Variants in EYS observed in about 807,000 individuals in gnomAD.
The protein encoded by EYS is protein eyes shut homolog.
A neutral mutation model predicts 282.1 loss-of-function variants in EYS; 250 were observed. That is an observed-to-expected ratio of 0.89 (90% confidence interval 0.80 to 0.98). EYS has a LOEUF of 0.98. EYS is among the 50% of genes least tolerant of loss of function. The pLI is 0.00. For synonymous variants in EYS, 1,355 were observed against 1,282.9 expected (o/e 1.06, Z -1.20); for missense variants, 4,016 against 3,709.0 (o/e 1.08, Z -2.15).
intron 29 of EYS, among the ~76,000 whole-genome samples, chr6:64,346,060 T>C (rs1183784678): frequency 6.6e-6 from 1 of 151,990 alleles, no homozygotes; most frequent in Non-Finnish European, 1.5e-5. Context: ...CAACAGGTGC[T>C]GGAGAGGATG....
intron 2 of EYS, among the ~76,000 whole-genome samples, chr6:65,613,980 G>T (rs116677061): frequency 6.6e-6 from 1 of 151,686 alleles, no homozygotes; most frequent in Non-Finnish European, 1.5e-5. Flanking sequence ...TTAAACAACT[G>T]AAAAAGAAGC....
chr6:64,473,889 A>C (rs1364645134), intron 26 of EYS, among the ~76,000 whole-genome samples: 1 of 152,214 alleles, frequency 6.6e-6, no homozygotes, highest in Non-Finnish European at 1.5e-5. Flanking sequence ...TGGAAAAATA[A>C]GACTAAACCA....
chr6:65,495,437 A>T lies in EYS; in HGVS notation c.-27T>A, dbSNP rs769133109. On this transcript the variant is annotated 5_prime_UTR_variant, in exon 4 of 43. Transcript: ENST00000503581. Reference sequence around the variant, plus strand: ...TTCGGGTAGCTGTATTTTACAGTTTATCATAAAGAATTGCTGCAAAATGGT... The same window carrying T: ...TTCGGGTAGCTGTATTTTACAGTTTTTCATAAAGAATTGCTGCAAAATGGT... The T allele has an allele frequency of 1.2e-6, 2 of 1,602,760 alleles. No homozygotes were observed. Among genetic ancestry groups the T allele is most frequent in the South Asian group, 1.1e-5 (1 of 91,042 alleles).
chr6:65,488,395 A>G (rs937675416), intron 5 of EYS, among the ~76,000 whole-genome samples: 1 of 152,158 alleles, frequency 6.6e-6, no homozygotes, highest in Non-Finnish European at 1.5e-5. Context: ...ATTGGTTTCA[A>G]AAAACATCTT....
intron 22 of EYS, among the ~76,000 whole-genome samples, chr6:64,661,977 C>T (rs1490727536): frequency 6.6e-6 from 1 of 151,628 alleles, no homozygotes; most frequent in Non-Finnish European, 1.5e-5. Context: ...AGACTTGGAA[C>T]CAACCCAAAT....
intron 13 of EYS, among the ~76,000 whole-genome samples, chr6:65,038,493 T>A (rs769371480): frequency 6.6e-6 from 1 of 151,482 alleles, no homozygotes; most frequent in African/African-American, 2.4e-5. Context: ...TGACAGATAT[T>A]TTTTTGTTTC....
chr6:65,646,089 C>T (rs987160888), intron 1 of EYS, among the ~76,000 whole-genome samples: 3 of 152,024 alleles, frequency 2.0e-5, no homozygotes, highest in South Asian at 2.1e-4. Flanking sequence ...AGCTGAATTC[C>T]TTCAGACATT....
chr6:65,561,911 T>G (rs970051396), intron 2 of EYS, among the ~76,000 whole-genome samples: 7 of 151,658 alleles, frequency 4.6e-5, no homozygotes, highest in Non-Finnish European at 1.0e-4. Flanking sequence ...AGAAAGTAAT[T>G]TTCTAAATTA....
At chr6:64,195,037 C>T (rs934001610) in intron 31 of EYS, among the ~76,000 whole-genome samples, 7 of 151,998 alleles carry the variant, frequency 4.6e-5, no homozygotes, top group Non-Finnish European at 1.0e-4. Flanking sequence ...TTTAATTCTA[C>T]ATTTTACTTC....
chr6:63,940,116 A>T (rs892117595), intron 35 of EYS, among the ~76,000 whole-genome samples: 22 of 152,194 alleles, frequency 1.4e-4, no homozygotes, highest in African/African-American at 5.3e-4. Flanking sequence ...CATATTTCTC[A>T]TCTTGTTTAG....
chr6:64,925,071 G>A (rs1463665705), intron 15 of EYS, among the ~76,000 whole-genome samples: 2 of 152,140 alleles, frequency 1.3e-5, no homozygotes, highest in Admixed American at 1.3e-4. Flanking sequence ...CCGAGACTGG[G>A]AAGAAAAAGA....
rs553216752 is a variant in EYS at position 63,877,469 on chromosome 6, G to T, written c.7056-13111C>A. On this transcript the variant is annotated intron_variant, in intron 35 of 42. Coordinates refer to ENST00000503581, the MANE Select transcript of EYS (RefSeq NM_001142800.2). ...GTGTCTTGGAGTTGCACTTCTCAAG[G>T]AGTTTCTTTGTGGCGTTCTCTGTAT... is the stretch of plus-strand genomic sequence containing the variant. Among the ~76,000 whole-genome samples the T allele has an allele frequency of 2.0e-5, 3 of 152,196 alleles. No homozygotes were observed. In the South Asian group the frequency reaches 6.2e-4, roughly 32 times the overall value.
intron 24 of EYS, among the ~76,000 whole-genome samples, chr6:64,607,244 C>A (rs1395363818): frequency 1.3e-5 from 2 of 151,184 alleles, no homozygotes; most frequent in Non-Finnish European, 2.9e-5. Flanking sequence ...TGCACAGTTC[C>A]ATTTGTTATC....
intron 26 of EYS, among the ~76,000 whole-genome samples, chr6:64,498,120 G>A (rs1397190820): frequency 1.3e-5 from 2 of 152,072 alleles, no homozygotes; most frequent in Non-Finnish European, 2.9e-5. Flanking sequence ...TGTTCTCTAA[G>A]AGCATCAATC....
chr6:64,699,360 G>A (rs1770703480), intron 22 of EYS, among the ~76,000 whole-genome samples: 1 of 152,048 alleles, frequency 6.6e-6, no homozygotes, highest in Admixed American at 6.6e-5. Context: ...GAGCAGAAAA[G>A]ATAACTATTG....
At chr6:64,990,760 A>T (rs935347033) in intron 14 of EYS, among the ~76,000 whole-genome samples, 1 of 151,604 alleles carries the variant, frequency 6.6e-6, no homozygotes, top group African/African-American at 2.4e-5. Context: ...TCTGTAATGA[A>T]TCTTGGAATA....
chr6:64,882,283 AG>A (rs1321153962), intron 19 of EYS, among the ~76,000 whole-genome samples: 1 of 151,824 alleles, frequency 6.6e-6, no homozygotes, highest in Non-Finnish European at 1.5e-5. Flanking sequence ...GTCTTGAAAA[AG>A]TCACACATCG....
At position 65,392,758 on chromosome 6, in the gene EYS, G is replaced by C. The variant is rs563257597; in HGVS notation, c.1185-8258C>G. On this transcript the variant is annotated intron_variant, in intron 7 of 42. Coordinates refer to ENST00000503581, the MANE Select transcript of EYS (RefSeq NM_001142800.2). The stretch of plus-strand genomic sequence containing the variant: ...ACTAGTTCAACCATTGTGGAAGTCA[G>C]TGTGGCGATTCCTCAGGGATCTGGA... 1.3e-3 allele frequency among the ~76,000 whole-genome samples: 199 copies of C among 151,566 alleles called. 2 individuals carry two copies. Among genetic ancestry groups the C allele is most frequent in the African/African-American group, 4.6e-3 (191 of 41,502 alleles).
At chr6:65,389,319 C>T (rs1765919053) in intron 7 of EYS, among the ~76,000 whole-genome samples, 1 of 152,142 alleles carries the variant, frequency 6.6e-6, no homozygotes, top group Admixed American at 6.6e-5. Flanking sequence ...TTCTCCAGAG[C>T]AGTTAGACTG....
Sources: allele counts gnomAD v4.1 joint callset (sites outside exome capture counted in the v4.1 genomes callset), GRCh38; gene constraint gnomAD v4.1.1; transcripts MANE v1.5; gene names NCBI Gene and HGNC (gene_info 2026-07-23, HGNC 2026-07-21).